Variants in RUSF1 observed in about 807,000 individuals in gnomAD.
The protein encoded by RUSF1 is RUS family member 1.
RUSF1 carries 58 observed loss-of-function variants against 63.0 expected under a neutral mutation model. The ratio of observed to expected loss-of-function variants is 0.92; its 90% CI spans 0.75 to 1.15. The LOEUF (loss-of-function observed/expected upper bound fraction) is 1.15, where lower values mean the gene tolerates loss of function less well. Among genes scored for constraint, RUSF1 ranks in the 50% most tolerant of loss-of-function variants. The probability of loss-of-function intolerance (pLI) is 0.00; values close to 1 mark genes in which losing one functional copy is unlikely to be tolerated. For synonymous variants in RUSF1, 274 were observed against 255.8 expected (o/e 1.07, Z -0.68); for missense variants, 652 against 611.0 (o/e 1.07, Z -0.71).
Position 31,508,329 on chromosome 16 carries a change from C to G in RUSF1, c.45G>C (p.Gln15His), listed in dbSNP as rs370598404. The G allele has an allele frequency of 1.2e-5, 19 of 1,574,194 alleles. No homozygotes were observed. The African/African-American group carries it at 1.3e-4, about 11-fold the overall frequency. The change falls in exon 1 of 13, where the codon CAG (glutamine) becomes CAC (histidine). Residue 15 changes from glutamine to histidine, a missense_variant. Physicochemically the swap from Gln to His is conservative, Grantham distance 24 (BLOSUM62 0). Coordinates refer to ENST00000327237, the MANE Select transcript of RUSF1 (RefSeq NM_022744.4). ...AGLETPLCSE[Q>H]FGSGEARGCR... The stretch of plus-strand genomic sequence containing the variant: ...AGCCCCGTGCCTCCCCGGAGCCGAA[C>G]TGCTCGGAACACAGCGGGGTCTCCA...
At chr16:31,496,611 T>C (rs772412669) in intron 6 of RUSF1, among the ~76,000 whole-genome samples, 5 of 152,026 alleles carry the variant, frequency 3.3e-5, no homozygotes, top group Non-Finnish European at 7.4e-5. Flanking sequence ...CACGGTGGGG[T>C]CTGAAGAGGG....
At position 31,492,213 on chromosome 16, in the gene RUSF1, C is replaced by T. The variant is rs775640424; in HGVS notation, c.1215G>A (p.Arg405=). 1.4e-5 allele frequency: 23 copies of T among 1,611,284 alleles called. No individual in the cohort carries two copies. The South Asian group carries it at 2.0e-4, about 14-fold the overall frequency. The change falls in exon 11 of 13, where the codon AGG becomes AGA. Residue 405 remains arginine, a synonymous_variant. Transcript: ENST00000327237. ...GPLPAELEEL[R]NRVRAGPKKE... ...GGCACTTACCTGCCCGCACCCGGTT[C>T]CTCAGCTCCTCCAGCTCTGCTGGAA...
chr16:31,507,892 C>G lies in RUSF1; in HGVS notation c.301-14G>C. On this transcript the variant is annotated splice_polypyrimidine_tract_variant and intron_variant, in intron 1 of 12. Coordinates refer to ENST00000327237, the MANE Select transcript of RUSF1 (RefSeq NM_022744.4). The stretch of plus-strand genomic sequence containing the variant: ...GGAAGCAAACGCCTGGAGAAGAAAA[C>G]AAGTAGGGTGAGAAGCGGGCGTAGG... 1 of 1,552,904 alleles carries G rather than the reference C, an allele frequency of 6.4e-7. No individual in the cohort carries two copies. Among genetic ancestry groups the G allele is most frequent in the Non-Finnish European group, 8.7e-7 (1 of 1,147,508 alleles).
chr16:31,489,752 G>C lies in RUSF1; in HGVS notation c.*1083C>G, dbSNP rs777954187. 35 of 445,424 alleles carry C rather than the reference G, an allele frequency of 7.9e-5. No individual in the cohort carries two copies. Among genetic ancestry groups the C allele is most frequent in the Non-Finnish European group, 1.3e-4 (32 of 239,256 alleles). 27.6% of individuals were successfully genotyped at this position (445,424 alleles called of 1,614,324 possible). On this transcript the variant is annotated 3_prime_UTR_variant, in exon 13 of 13. Transcript: ENST00000327237. ...GATCTGGGTGTGGAAGGATGGCCGG[G>C]TTTCTGCAGCAGCAGGAGGAAAGGG...
intron 12 of RUSF1, 128 bp from the exon 13 acceptor site, chr16:31,491,060 T>C: frequency 2.4e-6 from 2 of 823,886 alleles, no homozygotes; most frequent in Non-Finnish European, 3.9e-6. Context: ...TGGCATAAAA[T>C]GAGGCTGAAA....
intron 2 of RUSF1, among the ~76,000 whole-genome samples, chr16:31,504,064 A>G (rs1263828110): frequency 6.6e-6 from 1 of 151,554 alleles, no homozygotes; most frequent in Non-Finnish European, 1.5e-5. Flanking sequence ...ACGCCTGGCC[A>G]ATTTTTGAGT....
rs2082541324 is a variant in RUSF1 at position 31,489,575 on chromosome 16, T to C, written c.*1260A>G. 6 of 595,880 alleles carry C rather than the reference T, an allele frequency of 1.0e-5. 1 individual carries two copies. The highest frequency in any genetic ancestry group is 5.7e-5 in the Admixed American group (2 of 35,122). The allele number at this position is 595,880 out of a possible 1,614,324, so 36.9% of individuals were successfully genotyped here. A position where few individuals can be genotyped will look rare whatever the true frequency, so the allele number is the denominator to read the frequency against. ...GATTAAAGCCTCCCAAAGCCAATCC[T>C]TGGCATGGCCTTTGGGACTCAAAAC... On this transcript the variant is annotated 3_prime_UTR_variant, in exon 13 of 13. Transcript: ENST00000327237.
chr16:31,493,898 G>C lies in RUSF1; in HGVS notation c.741C>G (p.Leu247=). ...LVNLAGLLVS[L]LMLPLVSGCP... ...AACCTGACACCAGAGGGAGCATCAG[G>C]AGGCTGACCAAGAGCCCCGCCAGGT... Residue 247 remains leucine (L), a synonymous_variant, in exon 7 of 13, where the codon CTC becomes CTG. Transcript: ENST00000327237. 3 of 1,614,196 alleles carry C rather than the reference G, an allele frequency of 1.9e-6. No homozygotes were observed. Among genetic ancestry groups the C allele is most frequent in the Non-Finnish European group, 2.5e-6 (3 of 1,180,046 alleles).
At chr16:31,505,005 C>G (rs1224926778) in intron 2 of RUSF1, among the ~76,000 whole-genome samples, 1 of 152,240 alleles carries the variant, frequency 6.6e-6, no homozygotes, top group Non-Finnish European at 1.5e-5. Flanking sequence ...ACAGGGACCT[C>G]TGCCCAAGAA....
intron 10 of RUSF1, among the ~76,000 whole-genome samples, chr16:31,492,718 G>A (rs892253689): frequency 6.6e-6 from 1 of 152,200 alleles, no homozygotes; most frequent in Non-Finnish European, 1.5e-5. Flanking sequence ...CTTCCTAAGA[G>A]TGCTGCAATG....
In RUSF1 at chr16:31,508,335, G is replaced by A; in HGVS notation, c.39C>T (p.Ser13=). 1 of 1,564,492 alleles carries A rather than the reference G, an allele frequency of 6.4e-7. No homozygotes were observed. The highest frequency in any genetic ancestry group is 8.6e-7 in the Non-Finnish European group (1 of 1,163,872). ...GTGCCTCCCCGGAGCCGAACTGCTCGGAACACAGCGGGGTCTCCAAACCCG... is the reference window on the plus strand; with the variant it reads ...GTGCCTCCCCGGAGCCGAACTGCTCAGAACACAGCGGGGTCTCCAAACCCG... ...DDAGLETPLC[S]EQFGSGEARG... Residue 13 remains serine (S), a synonymous_variant, in exon 1 of 13, where the codon TCC becomes TCT. Transcript: ENST00000327237.
Position 31,489,903 on chromosome 16 carries a change from C to T in RUSF1, c.*932G>A. The T allele has an allele frequency of 1.5e-6, 1 of 668,408 alleles. No individual in the cohort carries two copies. Among genetic ancestry groups the T allele is most frequent in the South Asian group, 1.7e-5 (1 of 57,578 alleles). The allele number at this position is 668,408 out of a possible 1,614,324, so 41.4% of individuals were successfully genotyped here. On this transcript the variant is annotated 3_prime_UTR_variant, in exon 13 of 13. Coordinates refer to ENST00000327237, the MANE Select transcript of RUSF1 (RefSeq NM_022744.4). The stretch of plus-strand genomic sequence containing the variant: ...GGAGCAAGGCCAACGGCTTTAAACA[C>T]AAGCTCAGGGGCTTGGGGTTTATCC...
Position 31,494,715 on chromosome 16 carries a change from T to TC in RUSF1, c.703-780_703-779insG, listed in dbSNP as rs1476412248. 4.0e-5 allele frequency among the ~76,000 whole-genome samples: 6 copies of TC among 151,220 alleles called. No individual in the cohort carries two copies. The East Asian group carries it at 1.2e-3, about 29-fold the overall frequency. Reference sequence around the variant, plus strand: ...CTCAGGCACTCACTAATGTGTACTTTTTTTTTTTTTTAAAGAGCGAGGGTC... The same window carrying TC: ...CTCAGGCACTCACTAATGTGTACTTTCTTTTTTTTTTTAAAGAGCGAGGGTC... On this transcript the variant is annotated intron_variant, in intron 6 of 12. Transcript: ENST00000327237.
chr16:31,493,081 A>G (rs1484510803), intron 9 of RUSF1, 33 bp from the exon 10 acceptor site: 4 of 1,603,646 alleles, frequency 2.5e-6, no homozygotes, highest in Non-Finnish European at 3.4e-6. Flanking sequence ...GTGGGGGTGG[A>G]GGACAGCAAA....
chr16:31,491,147 C>T (rs942641853), intron 12 of RUSF1, among the ~76,000 whole-genome samples: 1 of 152,192 alleles, frequency 6.6e-6, no homozygotes, highest in African/African-American at 2.4e-5. Flanking sequence ...CCAGACAAAA[C>T]GTCCTCATCA....
rs1011247665 is a variant in RUSF1 at position 31,490,033 on chromosome 16, G to C, written c.*802C>G. ...GTAGGGCAGGCAGTGACGAGCTGGT[G>C]TGCAAGAGACTTTAGGGCCAGGCAT... is the stretch of plus-strand genomic sequence containing the variant. On this transcript the variant is annotated 3_prime_UTR_variant, in exon 13 of 13. Transcript: ENST00000327237. 29 of 1,602,876 alleles carry C rather than the reference G, an allele frequency of 1.8e-5. No individual in the cohort carries two copies. In the African/African-American group the frequency reaches 3.8e-4, roughly 21 times the overall value.
chr16:31,507,846 G>A lies in RUSF1; in HGVS notation c.333C>T (p.Ala111=), dbSNP rs765006132. ...CTATGCCCAGCAAGACTGCCTGGGT[G>A]GCTAGGGAGCCGGAGAGGCTGGAAG... ...AFASSLSGSL[A]TQAVLLGIGV... Residue 111 remains alanine, a synonymous_variant, in exon 2 of 13, where the codon GCC becomes GCT. Coordinates refer to ENST00000327237, the MANE Select transcript of RUSF1 (RefSeq NM_022744.4). 1 of 1,572,656 alleles carries A rather than the reference G, an allele frequency of 6.4e-7. No individual in the cohort carries two copies.
At chr16:31,499,157 T>A in intron 5 of RUSF1, 145 bp downstream of exon 5, 1 of 738,382 alleles carries the variant, frequency 1.4e-6, no homozygotes, top group Non-Finnish European at 2.3e-6. Context: ...TGGAGGAGGG[T>A]CAGAAAGGAT....
intron 6 of RUSF1, among the ~76,000 whole-genome samples, chr16:31,496,405 G>A (rs2082602776): frequency 6.6e-6 from 1 of 152,182 alleles, no homozygotes; most frequent in Non-Finnish European, 1.5e-5. Context: ...TCTAATCCAT[G>A]CGGAGTTCAG....
Sources: gnomAD v4.1 joint callset for allele counts (sites outside exome capture counted in the v4.1 genomes callset) on GRCh38, gnomAD v4.1.1 for gene constraint, MANE v1.5 for transcripts, NCBI Gene and HGNC (gene_info 2026-07-23, HGNC 2026-07-21) for gene names.